Variants in DSCAM observed in about 807,000 individuals in gnomAD.
DSCAM encodes the protein DS cell adhesion molecule.
Under a neutral mutation model 217.7 loss-of-function variants are expected in DSCAM, and 47 were observed. That is an observed-to-expected ratio of 0.22 (90% CI 0.17 to 0.28). The LOEUF is 0.28. Ranked by LOEUF, DSCAM falls within the 10% of genes least tolerant of loss-of-function variation. The probability of loss-of-function intolerance (pLI) is 1.00; values close to 1 mark genes in which losing one functional copy is unlikely to be tolerated. For missense variants in DSCAM, 2,080 were observed against 2,618.3 expected, an observed-to-expected ratio of 0.79 and a Z score of 4.49; for synonymous variants, 1,056 against 1,015.3, an observed-to-expected ratio of 1.04 and a Z score of -0.76.
At chr21:40,644,087 G>A (rs2089915645) in intron 3 of DSCAM, among the ~76,000 whole-genome samples, 1 of 152,168 alleles carries the variant, frequency 6.6e-6, no homozygotes, top group South Asian at 2.1e-4. Context: ...GTCCAAGACT[G>A]AGATTCAGAA....
chr21:40,816,261 C>T (rs2091880995), intron 1 of DSCAM, among the ~76,000 whole-genome samples: 2 of 152,292 alleles, frequency 1.3e-5, no homozygotes, highest in East Asian at 1.9e-4. Context: ...TTCTGTCCTG[C>T]ACCATGTGAT....
At chr21:40,562,632 TAGAA>T (rs372307426) in intron 3 of DSCAM, among the ~76,000 whole-genome samples, 16 of 152,332 alleles carry the variant, frequency 1.1e-4, no homozygotes, top group African/African-American at 3.4e-4. Flanking sequence ...AACAGCTCAT[TAGAA>T]AGTGATCAGA....
At chr21:40,723,690 T>C (rs1315153250) in intron 1 of DSCAM, among the ~76,000 whole-genome samples, 1 of 152,160 alleles carries the variant, frequency 6.6e-6, no homozygotes. Context: ...AGAGATTCCT[T>C]TTAAGAAGTA....
At chr21:40,344,303 G>C (rs1282219140) in intron 6 of DSCAM, among the ~76,000 whole-genome samples, 1 of 152,048 alleles carries the variant, frequency 6.6e-6, no homozygotes, top group Non-Finnish European at 1.5e-5. Flanking sequence ...CATTTCTCAT[G>C]GTATTTGTTC....
chr21:40,046,417 A>G (rs2088841487), intron 30 of DSCAM, among the ~76,000 whole-genome samples: 1 of 133,170 alleles, frequency 7.5e-6, no homozygotes, highest in Non-Finnish European at 1.7e-5. Context: ...GGAAGACTTC[A>G]TTAGATTTTT....
intron 29 of DSCAM, among the ~76,000 whole-genome samples, chr21:40,054,360 C>T (rs2088980094): frequency 6.6e-6 from 1 of 152,180 alleles, no homozygotes; most frequent in Non-Finnish European, 1.5e-5. Flanking sequence ...GCTGCTATGC[C>T]TGGACCAAAT....
At chr21:40,313,605 C>A (rs138489941) in intron 8 of DSCAM, among the ~76,000 whole-genome samples, 2 of 152,100 alleles carry the variant, frequency 1.3e-5, no homozygotes, top group Admixed American at 6.5e-5. Flanking sequence ...ATCAGCCTTA[C>A]GGATTAGTTA....
chr21:40,294,704 A>C (rs2073934169), intron 10 of DSCAM, among the ~76,000 whole-genome samples: 1 of 152,264 alleles, frequency 6.6e-6, no homozygotes, highest in Non-Finnish European at 1.5e-5. Context: ...AAATGTCCAT[A>C]ATATCAAATA....
At chr21:40,834,343 C>G (rs1251590856) in intron 1 of DSCAM, among the ~76,000 whole-genome samples, 1 of 150,738 alleles carries the variant, frequency 6.6e-6, no homozygotes, top group African/African-American at 2.4e-5. Context: ...GGAGGCTGAG[C>G]TTGCAGTGAG....
At chr21:40,725,462 T>C (rs1439371188) in intron 1 of DSCAM, among the ~76,000 whole-genome samples, 12 of 152,244 alleles carry the variant, frequency 7.9e-5, no homozygotes, top group Non-Finnish European at 1.6e-4. Context: ...TTACCATCCC[T>C]TGTACTCATA....
rs186343916 is a variant in DSCAM at position 40,126,616 on chromosome 21, A to T, written c.3563-2288T>A. 2.2e-4 allele frequency among the ~76,000 whole-genome samples: 33 copies of T among 152,334 alleles called. No individual in the cohort carries two copies. In the East Asian group the frequency reaches 6.2e-3, roughly 28 times the overall value. ...TCATGTGATTAGAGAATGATTAGGG[A>T]ATAAATACATATTTATATGTTTTAA... On this transcript the variant is annotated intron_variant, in intron 19 of 32. Transcript: ENST00000400454.
intron 8 of DSCAM, among the ~76,000 whole-genome samples, chr21:40,331,612 C>G (rs56661999): frequency 0.029 from 4,340 of 152,184 alleles, 187 homozygotes; most frequent in African/African-American, 0.097. Flanking sequence ...ACCACCAACA[C>G]AAGAGCTGAA....
intron 3 of DSCAM, among the ~76,000 whole-genome samples, chr21:40,647,904 T>C (rs1161820757): frequency 4.6e-5 from 7 of 152,190 alleles, no homozygotes; most frequent in Admixed American, 4.6e-4. Flanking sequence ...CCCATGTGTC[T>C]TCCACATTGA....
At chr21:40,558,607 A>G (rs763221203) in intron 3 of DSCAM, among the ~76,000 whole-genome samples, 12 of 152,214 alleles carry the variant, frequency 7.9e-5, no homozygotes, top group Non-Finnish European at 1.6e-4. Context: ...CACCAGTCAT[A>G]TCTCATTTAG....
At chr21:40,250,821 C>T (rs1471391723) in intron 11 of DSCAM, among the ~76,000 whole-genome samples, 1 of 152,200 alleles carries the variant, frequency 6.6e-6, no homozygotes, top group African/African-American at 2.4e-5. Flanking sequence ...CAATAAAGGG[C>T]TACCTTGGCA....
intron 3 of DSCAM, among the ~76,000 whole-genome samples, chr21:40,376,574 G>T (rs1214519745): frequency 3.4e-5 from 3 of 89,118 alleles, no homozygotes; most frequent in Admixed American, 2.5e-4. Context: ...ATCTTATATC[G>T]ATATCTATAT....
intron 11 of DSCAM, among the ~76,000 whole-genome samples, chr21:40,209,301 C>A (rs1379734586): frequency 6.6e-6 from 1 of 152,118 alleles, no homozygotes; most frequent in African/African-American, 2.4e-5. Context: ...CAGTATAATG[C>A]CAGGCTTTGA....
intron 3 of DSCAM, among the ~76,000 whole-genome samples, chr21:40,418,569 G>T (rs1045497406): frequency 3.3e-5 from 5 of 152,120 alleles, no homozygotes; most frequent in African/African-American, 1.2e-4. Context: ...GCTCAGGATT[G>T]CCGGTACTGA....
At chr21:40,084,501 AACACAC>A (rs145863686) in intron 23 of DSCAM, among the ~76,000 whole-genome samples, 5,501 of 137,514 alleles carry the variant, frequency 0.04, 106 homozygotes, top group African/African-American at 0.047. Flanking sequence ...TCCAAGATGC[AACACAC>A]ACACACACAC....
Sources: allele counts gnomAD v4.1 joint callset (sites outside exome capture counted in the v4.1 genomes callset), GRCh38; gene constraint gnomAD v4.1.1; transcripts MANE v1.5; gene names NCBI Gene and HGNC (gene_info 2026-07-23, HGNC 2026-07-21).